Variants in TMPRSS11A observed in about 807,000 individuals in gnomAD.
TMPRSS11A encodes the protein transmembrane serine protease 11A.
Under a neutral mutation model 58.9 loss-of-function variants are expected in TMPRSS11A, and 53 were observed. The observed-to-expected ratio is 0.90, with a 90% confidence interval of 0.72 to 1.13. TMPRSS11A has a LOEUF of 1.13. Ranked by LOEUF, TMPRSS11A falls within the 50% of genes most tolerant of loss-of-function variation. The pLI is 0.00. For missense variants in TMPRSS11A, 493 were observed against 499.3 expected (o/e 0.99, Z 0.12); for synonymous variants, 167 against 169.8 (o/e 0.98, Z 0.13).
chr4:67,946,751 A>C (rs956261082), intron 1 of TMPRSS11A, among the ~76,000 whole-genome samples, 180 bp from the exon 2 acceptor site: 1 of 150,792 alleles, frequency 6.6e-6, no homozygotes, highest in South Asian at 2.1e-4. Context: ...AGGATCTGGG[A>C]ATCCTAATGT....
At chr4:67,939,908 C>T (rs909956240) in intron 3 of TMPRSS11A, among the ~76,000 whole-genome samples, 5 of 152,048 alleles carry the variant, frequency 3.3e-5, no homozygotes, top group African/African-American at 4.8e-5. Flanking sequence ...AGGTTGGTCT[C>T]GAACTTCTGA....
At chr4:67,915,810 G>A (rs2109733811) in intron 8 of TMPRSS11A, among the ~76,000 whole-genome samples, 1 of 152,292 alleles carries the variant, frequency 6.6e-6, no homozygotes, top group East Asian at 1.9e-4. Flanking sequence ...AGTTTGGTGA[G>A]ACCCTGAGAA....
intron 3 of TMPRSS11A, among the ~76,000 whole-genome samples, chr4:67,934,289 G>GA (rs890185746): frequency 2.0e-5 from 3 of 152,016 alleles, no homozygotes; most frequent in African/African-American, 7.2e-5. Flanking sequence ...AGGAAAATCA[G>GA]AAAAAACATG....
intron 3 of TMPRSS11A, among the ~76,000 whole-genome samples, chr4:67,933,977 C>A (rs748301868): frequency 3.3e-5 from 5 of 152,150 alleles, no homozygotes; most frequent in Non-Finnish European, 7.4e-5. Context: ...TGGCACCGTG[C>A]CTGCTATGAA....
In TMPRSS11A at chr4:67,952,917, T is replaced by C. The variant is rs535641585; in HGVS notation, c.12-6346A>G. On this transcript the variant is annotated intron_variant, in intron 1 of 9. Transcript: ENST00000508048. ...TCAGATAGATTTGGAAAAAATGGTT[T>C]AAATCAGCAGCCCCAACCTTTTTGG... is the stretch of plus-strand genomic sequence containing the variant. Among the ~76,000 whole-genome samples, 7 of 152,254 alleles carry C rather than the reference T, an allele frequency of 4.6e-5. No homozygotes were observed. In the South Asian group the frequency reaches 1.2e-3, roughly 27 times the overall value.
intron 5 of TMPRSS11A, among the ~76,000 whole-genome samples, chr4:67,925,303 A>C (rs1050026719): frequency 6.6e-6 from 1 of 152,186 alleles, no homozygotes; most frequent in Non-Finnish European, 1.5e-5. Flanking sequence ...ATCTTACTAA[A>C]GCTGGGGAAA....
intron 9 of TMPRSS11A, among the ~76,000 whole-genome samples, chr4:67,911,985 C>T (rs1719992580): frequency 1.3e-5 from 2 of 152,170 alleles, no homozygotes; most frequent in Admixed American, 1.3e-4. Context: ...CACACCACAT[C>T]TTTACATTAT....
At chr4:67,916,536 C>T (rs1720151752) in intron 8 of TMPRSS11A, among the ~76,000 whole-genome samples, 1 of 151,562 alleles carries the variant, frequency 6.6e-6, no homozygotes, top group Admixed American at 6.6e-5. Context: ...CAATTAAAAA[C>T]ATTCATGGCC....
chr4:67,960,942 T>A (rs1357129840), intron 1 of TMPRSS11A, among the ~76,000 whole-genome samples: 1 of 152,158 alleles, frequency 6.6e-6, no homozygotes, highest in African/African-American at 2.4e-5. Flanking sequence ...CCTGAAGAAG[T>A]CATTTGGTAT....
At chr4:67,955,343 C>T (rs945056256) in intron 1 of TMPRSS11A, among the ~76,000 whole-genome samples, 4 of 152,110 alleles carry the variant, frequency 2.6e-5, no homozygotes, top group African/African-American at 7.2e-5. Flanking sequence ...ATGCAGTATT[C>T]GTGTGTGTTT....
chr4:67,921,289 T>C (rs1720323377), intron 7 of TMPRSS11A, among the ~76,000 whole-genome samples: 2 of 152,206 alleles, frequency 1.3e-5, no homozygotes. Flanking sequence ...TACTGAGCTC[T>C]CACATCTTTC....
rs768521312 is a variant in TMPRSS11A at position 67,929,872 on chromosome 4, C to A, written c.481+8G>T. The A allele has an allele frequency of 2.5e-6, 4 of 1,602,456 alleles. No homozygotes were observed. Among genetic ancestry groups the A allele is most frequent in the Admixed American group, 1.7e-5 (1 of 59,558 alleles). On this transcript the variant is annotated splice_region_variant and intron_variant, in intron 5 of 9. Coordinates refer to ENST00000508048, the MANE Select transcript of TMPRSS11A (RefSeq NM_001114387.2). ...AACTTCATATCACATAGAAGGGGAC[C>A]TCCTTACCATTAACTTGAACTGATG...
intron 1 of TMPRSS11A, among the ~76,000 whole-genome samples, chr4:67,954,328 C>A (rs1188559328): frequency 1.3e-5 from 2 of 152,254 alleles, no homozygotes; most frequent in South Asian, 2.1e-4. Context: ...CAATCCCCTG[C>A]CACTTCAGGA....
At chr4:67,914,215 G>T (rs1720083720) in intron 9 of TMPRSS11A, among the ~76,000 whole-genome samples, 1 of 151,974 alleles carries the variant, frequency 6.6e-6, no homozygotes, top group Non-Finnish European at 1.5e-5. Context: ...TCTGATACTT[G>T]TTCCAAAAAT....
At chr4:67,931,953 C>A (rs1205460111) in intron 4 of TMPRSS11A, 40 bp downstream of exon 4, 2 of 1,236,890 alleles carry the variant, frequency 1.6e-6, no homozygotes, top group African/African-American at 3.0e-5. Flanking sequence ...TTCCTTTTCC[C>A]TCCAGTCTTG....
Position 67,921,100 on chromosome 4 carries a change from A to C in TMPRSS11A, c.692+1655T>G, listed in dbSNP as rs1390044805. 2.6e-5 allele frequency among the ~76,000 whole-genome samples: 4 copies of C among 152,224 alleles called. No individual in the cohort carries two copies. In the East Asian group the frequency reaches 5.8e-4, roughly 22 times the overall value. ...TCCTGTTGTTCCAGATTAAAAGAAA[A>C]ACAAATATTGATGGTAGAAGTTAAT... On this transcript the variant is annotated intron_variant, in intron 7 of 9. Transcript: ENST00000508048.
At chr4:67,926,892 T>C (rs1024362522) in intron 5 of TMPRSS11A, among the ~76,000 whole-genome samples, 2 of 152,114 alleles carry the variant, frequency 1.3e-5, no homozygotes, top group African/African-American at 2.4e-5. Flanking sequence ...AGAGAGGAGA[T>C]AGACCACTCT....
At position 67,944,443 on chromosome 4, in the gene TMPRSS11A, T is replaced by A; in HGVS notation, c.252+76A>T. ...GTTGGCGGTCTGAAAATCATGTTTT[T>A]AGAAATGGAGAAATGATCCACAAAA... On this transcript the variant is annotated intron_variant, in intron 3 of 9. Transcript: ENST00000508048. 2.0e-5 allele frequency: 30 copies of A among 1,509,096 alleles called. 1 individual carries two copies. In the South Asian group the frequency reaches 3.7e-4, roughly 19 times the overall value. 93.5% of individuals were successfully genotyped at this position (1,509,096 alleles called of 1,614,324 possible).
intron 5 of TMPRSS11A, among the ~76,000 whole-genome samples, chr4:67,928,257 G>C (rs2109746256): frequency 6.6e-6 from 1 of 152,246 alleles, no homozygotes; most frequent in East Asian, 1.9e-4. Flanking sequence ...TATTGGCCAG[G>C]CTGGTCTTGA....
Sources: allele counts gnomAD v4.1 joint callset (sites outside exome capture counted in the v4.1 genomes callset), GRCh38; gene constraint gnomAD v4.1.1; transcripts MANE v1.5; gene names NCBI Gene and HGNC (gene_info 2026-07-23, HGNC 2026-07-21).